Variants in SLC35F1 observed in about 807,000 individuals in gnomAD.
SLC35F1 encodes chromosome 6 open reading frame 169.
SLC35F1 carries 14 observed loss-of-function variants against 48.7 expected under a neutral mutation model. The observed-to-expected ratio is 0.29, with a 90% confidence interval of 0.19 to 0.45. The LOEUF (loss-of-function observed/expected upper bound fraction) is 0.45. Ranked by LOEUF, SLC35F1 falls within the 20% of genes least tolerant of loss-of-function variation. SLC35F1 has a pLI of 1.00. For missense variants in SLC35F1, 404 were observed against 500.0 expected (o/e 0.81, Z 1.83); for synonymous variants, 190 against 202.2 (o/e 0.94, Z 0.51).
chr6:117,953,648 G>A (rs1227719584), intron 1 of SLC35F1, among the ~76,000 whole-genome samples: 1 of 152,090 alleles, frequency 6.6e-6, no homozygotes, highest in Non-Finnish European at 1.5e-5. Flanking sequence ...GGTCAGCCAG[G>A]GACCAGAACA....
At chr6:117,950,832 T>C (rs1776355057) in intron 1 of SLC35F1, among the ~76,000 whole-genome samples, 1 of 152,208 alleles carries the variant, frequency 6.6e-6, no homozygotes, top group African/African-American at 2.4e-5. Context: ...AAATTACAGT[T>C]AAGGCACAGA....
intron 1 of SLC35F1, among the ~76,000 whole-genome samples, chr6:118,127,706 C>A (rs1349607442): frequency 6.6e-6 from 1 of 151,520 alleles, no homozygotes; most frequent in Non-Finnish European, 1.5e-5. Context: ...CCATAAAAAC[C>A]CTAGAAGAAA....
At chr6:118,002,341 T>C (rs1368852051) in intron 1 of SLC35F1, among the ~76,000 whole-genome samples, 1 of 151,866 alleles carries the variant, frequency 6.6e-6, no homozygotes, top group Admixed American at 6.6e-5. Context: ...CTCAGCATAC[T>C]ATCGCAAGGA....
intron 1 of SLC35F1, among the ~76,000 whole-genome samples, chr6:117,994,208 C>A (rs534954293): frequency 1.2e-4 from 18 of 152,092 alleles, no homozygotes; most frequent in African/African-American, 4.3e-4. Context: ...CATTGCCCCC[C>A]CCATCCTCAA....
intron 1 of SLC35F1, among the ~76,000 whole-genome samples, chr6:118,011,692 A>G (rs1247632505): frequency 2.0e-5 from 3 of 152,064 alleles, no homozygotes; most frequent in African/African-American, 7.3e-5. Flanking sequence ...TGTAATGCTC[A>G]CTCACCCACC....
intron 1 of SLC35F1, among the ~76,000 whole-genome samples, chr6:117,961,126 C>T (rs1270207463): frequency 6.6e-6 from 1 of 152,058 alleles, no homozygotes; most frequent in East Asian, 1.9e-4. Context: ...GGTCTAGCCC[C>T]TTTCTTTTTT....
intron 1 of SLC35F1, among the ~76,000 whole-genome samples, chr6:118,014,693 T>C (rs746193775): frequency 7.2e-5 from 11 of 152,122 alleles, no homozygotes; most frequent in Non-Finnish European, 1.3e-4. Context: ...AGAAATGCCA[T>C]CTTCTCAAGG....
chr6:118,285,960 G>A (rs894416421), intron 7 of SLC35F1, among the ~76,000 whole-genome samples: 6 of 152,224 alleles, frequency 3.9e-5, no homozygotes, highest in South Asian at 2.1e-4. Context: ...AACTCTACCC[G>A]CATCTTTGCC....
chr6:118,254,163 C>A (rs1383831114), intron 3 of SLC35F1, among the ~76,000 whole-genome samples: 1 of 152,118 alleles, frequency 6.6e-6, no homozygotes, highest in African/African-American at 2.4e-5. Flanking sequence ...GGCAGCTGTC[C>A]ACCTGCACCT....
At chr6:117,911,090 A>T (rs1403556952) in intron 1 of SLC35F1, among the ~76,000 whole-genome samples, 3 of 152,174 alleles carry the variant, frequency 2.0e-5, no homozygotes, top group Admixed American at 1.3e-4. Flanking sequence ...GTACACAACA[A>T]TTGGGGTATT....
chr6:118,302,437 G>A (rs1776264825), intron 7 of SLC35F1, among the ~76,000 whole-genome samples: 3 of 152,156 alleles, frequency 2.0e-5, no homozygotes. Flanking sequence ...AGAGAAAAGA[G>A]ACTGGTATAC....
intron 1 of SLC35F1, among the ~76,000 whole-genome samples, chr6:117,943,181 G>A (rs1270765070): frequency 6.6e-6 from 1 of 152,150 alleles, no homozygotes; most frequent in Non-Finnish European, 1.5e-5. Context: ...AACGTGACAT[G>A]TGTATCTCTA....
At chr6:117,926,227 C>T (rs528259940) in intron 1 of SLC35F1, among the ~76,000 whole-genome samples, 1 of 152,186 alleles carries the variant, frequency 6.6e-6, no homozygotes, top group Non-Finnish European at 1.5e-5. Flanking sequence ...ATGAGTGAGT[C>T]TCATGAGATA....
At chr6:118,300,260 A>T (rs907217790) in intron 7 of SLC35F1, among the ~76,000 whole-genome samples, 29 of 152,202 alleles carry the variant, frequency 1.9e-4, no homozygotes, top group African/African-American at 6.8e-4. Context: ...AGTGGGTATT[A>T]TATGTAATCT....
chr6:118,197,692 T>C (rs1330674178), intron 2 of SLC35F1, among the ~76,000 whole-genome samples: 6 of 152,042 alleles, frequency 3.9e-5, no homozygotes, highest in Admixed American at 3.9e-4. Flanking sequence ...CTTGCAACAA[T>C]TCAGTGTTGG....
intron 1 of SLC35F1, among the ~76,000 whole-genome samples, chr6:118,100,903 T>C (rs1385256564): frequency 6.6e-6 from 1 of 152,198 alleles, no homozygotes; most frequent in Non-Finnish European, 1.5e-5. Flanking sequence ...AAATTATTAG[T>C]TGTGGTCCAG....
intron 1 of SLC35F1, among the ~76,000 whole-genome samples, chr6:118,129,543 T>C (rs963631590): frequency 6.6e-6 from 1 of 152,022 alleles, no homozygotes; most frequent in African/African-American, 2.4e-5. Context: ...CGAGGTGCAG[T>C]CACAGGAATC....
At chr6:118,300,895 G>A (rs1391786977) in intron 7 of SLC35F1, among the ~76,000 whole-genome samples, 2 of 152,288 alleles carry the variant, frequency 1.3e-5, no homozygotes, top group East Asian at 1.9e-4. Flanking sequence ...GAATGTACAT[G>A]TTGGTGATCA....
rs147203326 is a variant in SLC35F1, at chr6:117,965,345, G to C, written c.173+57446G>C. On this transcript the variant is annotated intron_variant, in intron 1 of 7. Transcript: ENST00000360388. ...TTCACAAATCCTTGCCCTCAACCAAGTGGTAGGAGCAAACATTGAGCTACT... is the reference window on the plus strand; with the variant it reads ...TTCACAAATCCTTGCCCTCAACCAACTGGTAGGAGCAAACATTGAGCTACT... Among the ~76,000 whole-genome samples, 410 of 152,282 alleles carry C rather than the reference G, an allele frequency of 2.7e-3. 1 individual carries two copies. Among genetic ancestry groups the C allele is most frequent in the African/African-American group, 9.6e-3 (401 of 41,556 alleles).
Sources: gnomAD v4.1 joint callset for allele counts (sites outside exome capture counted in the v4.1 genomes callset) on GRCh38, gnomAD v4.1.1 for gene constraint, MANE v1.5 for transcripts, NCBI Gene and HGNC (gene_info 2026-07-23, HGNC 2026-07-21) for gene names.